The following CSGALNACT1 variants were observed in gnomAD, a reference collection of about 807,000 sequenced individuals.
The protein encoded by CSGALNACT1 is chondroitin sulfate N-acetylgalactosaminyltransferase 1, also known as beta4GalNAcT-1.
CSGALNACT1 carries 52 observed loss-of-function variants against 51.0 expected under a neutral mutation model. That is an observed-to-expected ratio of 1.02 (90% CI 0.82 to 1.29). The LOEUF is 1.29. CSGALNACT1 is among the 50% of genes most tolerant of loss of function. CSGALNACT1 has a pLI of 0.00. For missense variants in CSGALNACT1, 935 were observed against 679.2 expected (o/e 1.38, Z -4.19); for synonymous variants, 341 against 254.4 (o/e 1.34, Z -3.24).
At chr8:19,727,514 TA>T (rs33953299) in intron 1 of CSGALNACT1, among the ~76,000 whole-genome samples, 58,901 of 151,968 alleles carry the variant, frequency 0.39, 11,838 homozygotes, top group East Asian at 0.62. Flanking sequence ...CACAGCTGGC[TA>T]AATTTTTGTA....
At chr8:19,627,830 A>G (rs1004444049) in intron 1 of CSGALNACT1, among the ~76,000 whole-genome samples, 2 of 152,132 alleles carry the variant, frequency 1.3e-5, no homozygotes, top group Non-Finnish European at 2.9e-5. Flanking sequence ...TCCTACCTTT[A>G]AAAAAATAAA....
At chr8:19,677,659 T>C (rs888996195) in intron 1 of CSGALNACT1, among the ~76,000 whole-genome samples, 1 of 152,118 alleles carries the variant, frequency 6.6e-6, no homozygotes, top group African/African-American at 2.4e-5. Flanking sequence ...AAATTTAGTA[T>C]TGAATGTAAA....
intron 6 of CSGALNACT1, among the ~76,000 whole-genome samples, chr8:19,431,454 T>C (rs1041322198): frequency 3.9e-5 from 6 of 152,254 alleles, no homozygotes; most frequent in African/African-American, 9.6e-5. Flanking sequence ...TCTATTAATA[T>C]GGCATATTTC....
intron 3 of CSGALNACT1, among the ~76,000 whole-genome samples, chr8:19,577,974 TA>T (rs892883613): frequency 6.6e-6 from 1 of 152,150 alleles, no homozygotes; most frequent in African/African-American, 2.4e-5. Flanking sequence ...GCATGCGGAA[TA>T]ACTGGATCCC....
intron 1 of CSGALNACT1, among the ~76,000 whole-genome samples, chr8:19,706,515 T>C (rs969787459): frequency 6.6e-6 from 1 of 152,168 alleles, no homozygotes; most frequent in African/African-American, 2.4e-5. Context: ...GGAGTGCCTT[T>C]TCCTAGCCCC....
chr8:19,748,821 C>G (rs112349575), intron 1 of CSGALNACT1, among the ~76,000 whole-genome samples: 3 of 151,862 alleles, frequency 2.0e-5, no homozygotes, highest in Non-Finnish European at 4.4e-5. Context: ...AAAAATTAGC[C>G]GGGTGTGGTG....
At chr8:19,635,503 TGAA>T (rs1288865409) in intron 1 of CSGALNACT1, among the ~76,000 whole-genome samples, 1 of 152,122 alleles carries the variant, frequency 6.6e-6, no homozygotes, top group Non-Finnish European at 1.5e-5. Context: ...GGCTTAGGGG[TGAA>T]CCTCGGCTGC....
At position 19,480,173 on chromosome 8, in the gene CSGALNACT1, T is replaced by C. The variant is rs139211500; in HGVS notation, c.635-21531A>G. Among the ~76,000 whole-genome samples the C allele has an allele frequency of 5.1e-3, 775 of 152,326 alleles. 8 individuals carry two copies. The highest frequency in any genetic ancestry group is 0.017 in the African/African-American group (720 of 41,566). ...TGCAGGTTTGTTATATAGGTAAACT[T>C]CTGCCCCAGGAATTTATTGTACAGA... is the stretch of plus-strand genomic sequence containing the variant. On this transcript the variant is annotated intron_variant, in intron 4 of 9. Transcript: ENST00000454498.
chr8:19,587,096 G>A lies in CSGALNACT1; in HGVS notation c.-297+4064C>T, dbSNP rs10216916. ...CCTTAGGGCTTTGCTGACTGCACAC[G>A]GCTGCACAGTCAGGGCTGCAGGACC... On this transcript the variant is annotated intron_variant, in intron 3 of 9. Transcript: ENST00000454498. Among the ~76,000 whole-genome samples the A allele has an allele frequency of 6.3e-3, 952 of 152,206 alleles. 10 individuals carry two copies. The highest frequency in any genetic ancestry group is 0.022 in the African/African-American group (895 of 41,530).
chr8:19,508,576 CT>C (rs1001680999), intron 3 of CSGALNACT1, among the ~76,000 whole-genome samples: 2 of 152,172 alleles, frequency 1.3e-5, no homozygotes, highest in African/African-American at 4.8e-5. Flanking sequence ...CTAATGAAGT[CT>C]CTTAGATAAA....
intron 1 of CSGALNACT1, among the ~76,000 whole-genome samples, chr8:19,617,284 C>T (rs754117458): frequency 4.3e-4 from 65 of 152,156 alleles, no homozygotes; most frequent in Non-Finnish European, 8.2e-4. Flanking sequence ...TTCGCTCACT[C>T]GCCTGCCGTT....
upstream of CSGALNACT1, among the ~76,000 whole-genome samples, chr8:19,604,498 G>A (rs1479258083): frequency 6.6e-6 from 1 of 152,142 alleles, no homozygotes; most frequent in Non-Finnish European, 1.5e-5. Flanking sequence ...GGTGAAGTCA[G>A]GATCTTTCTA....
At chr8:19,751,002 G>A (rs1214769532) in intron 1 of CSGALNACT1, among the ~76,000 whole-genome samples, 1 of 152,152 alleles carries the variant, frequency 6.6e-6, no homozygotes, top group Non-Finnish European at 1.5e-5. Context: ...TAAAAGTGCT[G>A]AAGCAGACCC....
chr8:19,463,470 TG>T (rs2065991809), intron 4 of CSGALNACT1, among the ~76,000 whole-genome samples: 1 of 152,014 alleles, frequency 6.6e-6, no homozygotes, highest in Non-Finnish European at 1.5e-5. Flanking sequence ...AGCTCTTTAT[TG>T]GTGGAAACAC....
At chr8:19,594,932 G>T (rs1461277636) in intron 2 of CSGALNACT1, among the ~76,000 whole-genome samples, 1 of 152,038 alleles carries the variant, frequency 6.6e-6, no homozygotes, top group Non-Finnish European at 1.5e-5. Flanking sequence ...TTGGCCTAAG[G>T]TTGGCTATTC....
exon 4 of CSGALNACT1, chr8:19,505,454 C>T: frequency 1.2e-6 from 2 of 1,614,218 alleles, no homozygotes; most frequent in East Asian, 2.2e-5. Context: ...CCTTGTCCAC[C>T]TGCGAGTGCA....
chr8:19,425,508 A>G (rs1202871520), intron 6 of CSGALNACT1, among the ~76,000 whole-genome samples: 3 of 152,012 alleles, frequency 2.0e-5, no homozygotes, highest in South Asian at 2.1e-4. Flanking sequence ...TGCAGAATCG[A>G]TTTTTTCCTC....
chr8:19,444,132 A>G (rs1255888076), intron 5 of CSGALNACT1, among the ~76,000 whole-genome samples: 1 of 152,218 alleles, frequency 6.6e-6, no homozygotes, highest in African/African-American at 2.4e-5. Context: ...ACAGACCAGT[A>G]ATGGTGTGTG....
At chr8:19,700,148 T>G (rs1198650479) in intron 1 of CSGALNACT1, among the ~76,000 whole-genome samples, 1 of 150,180 alleles carries the variant, frequency 6.7e-6, no homozygotes, top group Non-Finnish European at 1.5e-5. Context: ...CTTAGGTAAG[T>G]ATTATTTCCC....
Sources: allele counts gnomAD v4.1 joint callset (sites outside exome capture counted in the v4.1 genomes callset), GRCh38; gene constraint gnomAD v4.1.1; transcripts MANE v1.5; gene names NCBI Gene and HGNC (gene_info 2026-07-23, HGNC 2026-07-21).